The following ALDH18A1 variants were observed in gnomAD, a reference collection of about 807,000 sequenced individuals.
The protein encoded by ALDH18A1 is delta-1-pyrroline-5-carboxylate synthase.
A neutral mutation model predicts 88.8 loss-of-function variants in ALDH18A1; 44 were observed. The observed-to-expected ratio is 0.50, with a 90% CI of 0.39 to 0.64. The LOEUF is 0.64. Among genes scored for constraint, ALDH18A1 ranks in the 30% least tolerant of loss-of-function variants. The pLI is 0.00. For missense variants in ALDH18A1, 782 were observed against 1,009.5 expected (o/e 0.77, Z 3.05); for synonymous variants, 331 against 372.1 (o/e 0.89, Z 1.27).
rs768687965 is a variant in ALDH18A1 at position 95,633,661 on chromosome 10, A to G, written c.559-12T>C. 36 of 1,613,878 alleles carry G rather than the reference A, an allele frequency of 2.2e-5. No homozygotes were observed. Among genetic ancestry groups the G allele is most frequent in the Non-Finnish European group, 2.8e-5 (33 of 1,179,924 alleles). The stretch of plus-strand genomic sequence containing the variant: ...TTGGTCACCAAAATCTAAAAGGATT[A>G]AATAGATGGAAAATGCATGAGGGAG... On this transcript the variant is annotated splice_polypyrimidine_tract_variant and intron_variant, in intron 5 of 17. Coordinates refer to ENST00000371224, the MANE Select transcript of ALDH18A1 (RefSeq NM_002860.4).
At chr10:95,633,718 C>A (rs11188409) in intron 5 of ALDH18A1, 69 bp from the exon 6 acceptor site, 13 of 1,558,694 alleles carry the variant, frequency 8.3e-6, no homozygotes, top group Non-Finnish European at 1.1e-5. Context: ...ATACAAAAGA[C>A]GCTAAGAGCA....
intron 2 of ALDH18A1, among the ~76,000 whole-genome samples, chr10:95,651,907 A>C (rs1317522921): frequency 6.6e-6 from 1 of 152,260 alleles, no homozygotes; most frequent in East Asian, 1.9e-4. Context: ...AACTATGTTC[A>C]CACAAAATCC....
At chr10:95,645,708 C>T (rs1055461650) in intron 2 of ALDH18A1, among the ~76,000 whole-genome samples, 1 of 152,016 alleles carries the variant, frequency 6.6e-6, no homozygotes, top group African/African-American at 2.4e-5. Flanking sequence ...TCACAACAGG[C>T]TTGGCATCTA....
Position 95,606,848 on chromosome 10 carries a change from C to T in ALDH18A1, c.2302G>A (p.Asp768Asn), listed in dbSNP as rs2097823672. The change falls in exon 18 of 18, where the codon GAC becomes AAC. Residue 768 changes from aspartate (D) to asparagine (N), a missense_variant. By Grantham distance (23) the Asp-to-Asn change is conservative. Transcript: ENST00000371224. ...LTTKWLLRGK[D>N]HVVSDFSEHG... ...TCTGAGAAATCTGAGACCACGTGGTCCTTCCCTCGCAGCAGCCACTTAGTA... is the reference window on the plus strand; with the variant it reads ...TCTGAGAAATCTGAGACCACGTGGTTCTTCCCTCGCAGCAGCCACTTAGTA... 6.2e-7 allele frequency: 1 copy of T among 1,614,194 alleles called. No individual in the cohort carries two copies. The highest frequency in any genetic ancestry group is 8.5e-7 in the Non-Finnish European group (1 of 1,180,032).
At chr10:95,628,266 C>A in intron 8 of ALDH18A1, 102 bp downstream of exon 8, 1 of 1,523,178 alleles carries the variant, frequency 6.6e-7, no homozygotes, top group Non-Finnish European at 9.1e-7. Flanking sequence ...TATGTGCCTA[C>A]TATCTGAACC....
At chr10:95,649,798 T>C (rs1300825404) in intron 2 of ALDH18A1, among the ~76,000 whole-genome samples, 3 of 152,060 alleles carry the variant, frequency 2.0e-5, no homozygotes, top group Non-Finnish European at 4.4e-5. Flanking sequence ...GGAGAATCGC[T>C]TGAGCCTGGG....
At chr10:95,651,578 A>G (rs1418095353) in intron 2 of ALDH18A1, among the ~76,000 whole-genome samples, 5 of 152,202 alleles carry the variant, frequency 3.3e-5, no homozygotes, top group Non-Finnish European at 7.3e-5. Flanking sequence ...GGAAGCTTAT[A>G]ATCATGGCAG....
intron 12 of ALDH18A1, 93 bp downstream of exon 12, chr10:95,620,938 A>G: frequency 1.5e-6 from 2 of 1,307,760 alleles, no homozygotes; most frequent in South Asian, 2.8e-5. Context: ...TTAAATTAAA[A>G]AAAAAAAAAA....
At chr10:95,625,754 A>C (rs1468948041) in intron 10 of ALDH18A1, among the ~76,000 whole-genome samples, 2 of 151,716 alleles carry the variant, frequency 1.3e-5, no homozygotes, top group African/African-American at 4.8e-5. Context: ...AGGAGTCATA[A>C]GAAAAAAAAA....
At chr10:95,628,576 C>T (rs2097863680) in intron 7 of ALDH18A1, 84 bp from the exon 8 acceptor site, 7 of 1,518,326 alleles carry the variant, frequency 4.6e-6, no homozygotes. Context: ...GCCAATCACT[C>T]TGTACTTTAC....
In ALDH18A1 at chr10:95,613,988, A is replaced by G; in HGVS notation, c.1779T>C (p.Ser593=). The G allele has an allele frequency of 1.2e-6, 2 of 1,614,202 alleles. No homozygotes were observed. The highest frequency in any genetic ancestry group is 1.7e-6 in the Non-Finnish European group (2 of 1,180,034). The change falls in exon 14 of 18, where the codon AGT becomes AGC. Residue 593 remains serine (S), a synonymous_variant. Transcript: ENST00000371224. ...CACCTAGCCTGGTGACCTTATCAAC[A>G]CTGGCCTCGGAATCCACATACATGT... ...ICHMYVDSEA[S]VDKVTRLVRD... is the part of the protein sequence containing the mutation.
intron 5 of ALDH18A1, 142 bp from the exon 6 acceptor site, chr10:95,633,791 A>AT: frequency 1.6e-6 from 1 of 636,202 alleles, no homozygotes; most frequent in Non-Finnish European, 2.7e-6. Flanking sequence ...TGAAATACAC[A>AT]TATCTGGGTG....
rs189616150 is a variant in ALDH18A1 at position 95,616,097 on chromosome 10, G to T, written c.1605+380C>A. Among the ~76,000 whole-genome samples, 5 of 152,184 alleles carry T rather than the reference G, an allele frequency of 3.3e-5. No homozygotes were observed. The East Asian group carries it at 5.8e-4, about 18-fold the overall frequency. On this transcript the variant is annotated intron_variant, in intron 13 of 17. Coordinates refer to ENST00000371224, the MANE Select transcript of ALDH18A1 (RefSeq NM_002860.4). ...AGCATGATCTCATACTCAACACACC[G>T]CATGACAGTTTATGACAAACTTTTG...
chr10:95,646,448 G>A (rs1283994793), intron 2 of ALDH18A1, among the ~76,000 whole-genome samples: 2 of 152,094 alleles, frequency 1.3e-5, no homozygotes, highest in East Asian at 1.9e-4. Flanking sequence ...GGTTCAAGAG[G>A]AGGTCACCAC....
At chr10:95,612,773 T>C (rs1283768357) in intron 15 of ALDH18A1, among the ~76,000 whole-genome samples, 1 of 152,234 alleles carries the variant, frequency 6.6e-6, no homozygotes, top group East Asian at 1.9e-4. Flanking sequence ...CAGTTCACTG[T>C]GGTGCTTGGC....
intron 2 of ALDH18A1, among the ~76,000 whole-genome samples, chr10:95,647,753 G>C (rs907117973): frequency 6.6e-6 from 1 of 152,256 alleles, no homozygotes; most frequent in African/African-American, 2.4e-5. Flanking sequence ...TTAGTATCAG[G>C]TCACATTCTT....
At chr10:95,618,384 G>A (rs1223982033) in intron 12 of ALDH18A1, among the ~76,000 whole-genome samples, 4 of 152,142 alleles carry the variant, frequency 2.6e-5, no homozygotes, top group African/African-American at 9.7e-5. Flanking sequence ...GCAGTGGCAC[G>A]ATCTCGACTC....
chr10:95,651,297 TAAA>T (rs921667441), intron 2 of ALDH18A1, among the ~76,000 whole-genome samples: 1 of 151,970 alleles, frequency 6.6e-6, no homozygotes, highest in Non-Finnish European at 1.5e-5. Context: ...ATGGCTAAAA[TAAA>T]AAAGAGTGAC....
Position 95,628,477 on chromosome 10 carries a change from G to T in ALDH18A1, c.824C>A (p.Pro275His). The stretch of plus-strand genomic sequence containing the variant: ...AAGCTTTGCATCATCTGAACCTGGG[G>T]GGCTGTCAAAAAGGCCTAAAAAATA... ...LSDVEGLFDS[P>H]PGSDDAKLID... The change falls in exon 8 of 18, where the codon CCC becomes CAC. Residue 275 changes from proline (P) to histidine (H), a missense_variant. Physicochemically the swap from Pro to His is moderately conservative, Grantham distance 77. Coordinates refer to ENST00000371224, the MANE Select transcript of ALDH18A1 (RefSeq NM_002860.4). The T allele has an allele frequency of 6.2e-7, 1 of 1,613,570 alleles. No individual in the cohort carries two copies. Among genetic ancestry groups the T allele is most frequent in the Admixed American group, 1.7e-5 (1 of 60,008 alleles).
Sources: gnomAD v4.1 joint callset for allele counts (sites outside exome capture counted in the v4.1 genomes callset) on GRCh38, gnomAD v4.1.1 for gene constraint, MANE v1.5 for transcripts, NCBI Gene and HGNC (gene_info 2026-07-23, HGNC 2026-07-21) for gene names.